Variants in MAGI1 observed in about 807,000 individuals in gnomAD.
The protein encoded by MAGI1 is membrane-associated guanylate kinase, WW and PDZ domain-containing protein 1.
A neutral mutation model predicts 139.9 loss-of-function variants in MAGI1; 58 were observed. That is an observed-to-expected ratio of 0.41 (90% confidence interval 0.34 to 0.52). The LOEUF (loss-of-function observed/expected upper bound fraction) is 0.52, where lower values mean the gene tolerates loss of function less well. Ranked by LOEUF, MAGI1 falls within the 20% of genes least tolerant of loss-of-function variation. MAGI1 has a pLI of 0.12. For synonymous variants in MAGI1, 812 were observed against 737.9 expected (o/e 1.10, Z -1.63); for missense variants, 1,874 against 1,901.6 (o/e 0.99, Z 0.27).
chr3:65,494,731 C>T (rs577793960), intron 2 of MAGI1, among the ~76,000 whole-genome samples: 18 of 152,190 alleles, frequency 1.2e-4, no homozygotes, highest in Non-Finnish European at 2.2e-4. Context: ...TGCCTAGTGG[C>T]GCTGAAGTTC....
chr3:65,856,021 T>C (rs2059367902), intron 1 of MAGI1, among the ~76,000 whole-genome samples: 1 of 152,116 alleles, frequency 6.6e-6, no homozygotes, highest in Non-Finnish European at 1.5e-5. Context: ...TGATGATGGA[T>C]GTATTTTAGA....
chr3:65,506,647 T>C (rs942731528), intron 2 of MAGI1, among the ~76,000 whole-genome samples: 9 of 152,180 alleles, frequency 5.9e-5, no homozygotes, highest in Non-Finnish European at 1.0e-4. Context: ...CATTAGCCAC[T>C]AGCACGGATC....
rs56669559 is a variant in MAGI1 at position 65,574,445 on chromosome 3, TA to T, written c.430+47526del. On this transcript the variant is annotated intron_variant, in intron 2 of 22. Coordinates refer to ENST00000402939, the MANE Select transcript of MAGI1 (RefSeq NM_001033057.2). ...AGATGTAAATGACCTGCATAGAAAC[TA>T]AAAAAAAAAAAAAAAAATGTACTGA... 9.3e-3 allele frequency among the ~76,000 whole-genome samples: 1,013 copies of T among 108,536 alleles called. 2 individuals are homozygous for T. Among genetic ancestry groups the T allele is most frequent in the Middle Eastern group, 0.019 (4 of 212 alleles). 71.2% of individuals were successfully genotyped at this position (108,536 alleles called of 152,430 possible). A position where few individuals can be genotyped will look rare whatever the true frequency, so the allele number is the denominator to read the frequency against.
Position 65,363,622 on chromosome 3 carries a change from T to C in MAGI1, c.3352-14A>G. 1 of 1,610,236 alleles carries C rather than the reference T, an allele frequency of 6.2e-7. No individual in the cohort carries two copies. Among genetic ancestry groups the C allele is most frequent in the Non-Finnish European group, 8.5e-7 (1 of 1,178,368 alleles). Reference sequence around the variant, plus strand: ...AAAATCTTGCTCCTATTTAAAGAAATTAAATGCAATCATTCTAGGAGAACT... The same window carrying C: ...AAAATCTTGCTCCTATTTAAAGAAACTAAATGCAATCATTCTAGGAGAACT... On this transcript the variant is annotated splice_polypyrimidine_tract_variant and intron_variant, in intron 20 of 22. Coordinates refer to ENST00000402939, the MANE Select transcript of MAGI1 (RefSeq NM_001033057.2).
intron 1 of MAGI1, among the ~76,000 whole-genome samples, chr3:65,897,628 T>G (rs548890107): frequency 1.3e-5 from 2 of 150,120 alleles, no homozygotes; most frequent in African/African-American, 2.4e-5. Flanking sequence ...GTTGTGCACA[T>G]GTACCCTAGG....
intron 22 of MAGI1, among the ~76,000 whole-genome samples, chr3:65,358,552 T>G (rs1027238136): frequency 6.6e-6 from 1 of 152,186 alleles, no homozygotes; most frequent in Non-Finnish European, 1.5e-5. Flanking sequence ...CCACACCATC[T>G]CTGTTACAGC....
At chr3:65,966,520 G>C (rs986595875) in intron 1 of MAGI1, among the ~76,000 whole-genome samples, 1 of 152,092 alleles carries the variant, frequency 6.6e-6, no homozygotes, top group South Asian at 2.1e-4. Context: ...TGGGAGGCCA[G>C]GGCAGGAGGA....
intron 2 of MAGI1, among the ~76,000 whole-genome samples, chr3:65,613,556 C>T (rs1199302996): frequency 2.0e-5 from 3 of 152,206 alleles, no homozygotes; most frequent in South Asian, 2.1e-4. Context: ...TGAGCTTTTA[C>T]GTTTGTAATT....
In MAGI1 at chr3:65,356,594, C is replaced by T; in HGVS notation, c.4173G>A (p.Ser1391=). 1 of 1,595,440 alleles carries T rather than the reference C, an allele frequency of 6.3e-7. No homozygotes were observed. Among genetic ancestry groups the T allele is most frequent in the Non-Finnish European group, 8.5e-7 (1 of 1,171,708 alleles). Residue 1391 remains serine, a synonymous_variant, in exon 23 of 23, where the codon TCG becomes TCA. Transcript: ENST00000402939. ...CGGTGGACTTGGCCCTGCGCTCGGG[C>T]GAGCCCCCTCTCCTGCGCTCGGGGG... ...RRSPERRRGG[S]PERRAKSTDR...
At chr3:65,416,683 G>C (rs1946242630) in intron 12 of MAGI1, among the ~76,000 whole-genome samples, 1 of 152,148 alleles carries the variant, frequency 6.6e-6, no homozygotes, top group African/African-American at 2.4e-5. Flanking sequence ...ATTAACAAGA[G>C]TCTGAAATAA....
At chr3:66,012,845 T>C (rs1424865792) in intron 1 of MAGI1, among the ~76,000 whole-genome samples, 2 of 151,956 alleles carry the variant, frequency 1.3e-5, no homozygotes, top group East Asian at 3.9e-4. Context: ...GAAGTGCCCC[T>C]GTAATGTCCG....
At position 65,398,416 on chromosome 3, in the gene MAGI1, C is replaced by T. The variant is rs575856971; in HGVS notation, c.2199+3023G>A. ...CTTGGAAGGCTAAGGCAAGAGATTG[C>T]TTGGGCCCAGAAGTTCGAGGCTGCA... On this transcript the variant is annotated intron_variant, in intron 13 of 22. Transcript: ENST00000402939. Among the ~76,000 whole-genome samples the T allele has an allele frequency of 8.5e-4, 130 of 152,176 alleles. 2 individuals carry two copies. The South Asian group carries it at 0.012, about 14-fold the overall frequency.
At chr3:65,425,135 A>AAAAAAAAAAAAAAAC (rs1559543283) in intron 12 of MAGI1, among the ~76,000 whole-genome samples, 4 of 87,788 alleles carry the variant, frequency 4.6e-5, no homozygotes, top group Non-Finnish European at 6.8e-5. Flanking sequence ...AAAAAAAACA[A>AAAAAAAAAAAAAAAC]AAAAAAACAC....
intron 17 of MAGI1, among the ~76,000 whole-genome samples, chr3:65,378,884 G>C (rs1575562722): frequency 6.6e-6 from 1 of 151,952 alleles, no homozygotes; most frequent in African/African-American, 2.4e-5. Context: ...GTTTCACCAC[G>C]TTGGCCAGGT....
chr3:65,726,728 A>G (rs1453826306), intron 1 of MAGI1, among the ~76,000 whole-genome samples: 2 of 152,052 alleles, frequency 1.3e-5, no homozygotes, highest in Non-Finnish European at 2.9e-5. Flanking sequence ...TGACGCCCTC[A>G]GCTCTTGGGG....
intron 2 of MAGI1, among the ~76,000 whole-genome samples, chr3:65,597,052 G>C (rs1045058122): frequency 6.6e-6 from 1 of 151,864 alleles, no homozygotes; most frequent in Admixed American, 6.6e-5. Context: ...CGCGCTGCCC[G>C]GGGAAGCAGC....
chr3:65,922,842 C>T (rs989680292), intron 1 of MAGI1, among the ~76,000 whole-genome samples: 3 of 152,216 alleles, frequency 2.0e-5, no homozygotes, highest in Non-Finnish European at 4.4e-5. Flanking sequence ...ATAATAACCA[C>T]TGGCGTATTT....
rs767095377 is a variant in MAGI1 at position 65,493,565 on chromosome 3, T to A, written c.497A>T (p.Glu166Val). 1.2e-6 allele frequency: 2 copies of A among 1,614,048 alleles called. No homozygotes were observed. Among genetic ancestry groups the A allele is most frequent in the East Asian group, 2.2e-5 (1 of 44,892 alleles). The change falls in exon 3 of 23, where the codon GAG (glutamate) becomes GTG (valine). Residue 166 changes from glutamate (E) to valine (V), a missense_variant. Physicochemically the swap from Glu to Val is moderately radical, Grantham distance 121 (BLOSUM62 -2). This residue lies in a region of MAGI1 where 648 missense variants were observed against 598.1 expected (regional missense o/e 1.08). Transcript: ENST00000402939. Reference protein sequence around the residue: ...GVDYNFLTVKEFLDLEQSGTL... With the variant: ...GVDYNFLTVKVFLDLEQSGTL... ...CCCACTCTGCTCGAGGTCCAAGAAC[T>A]CCTTCACAGTCAGAAAGTTATAGTC...
chr3:65,810,736 G>A (rs1043482187), intron 1 of MAGI1, among the ~76,000 whole-genome samples: 2 of 152,300 alleles, frequency 1.3e-5, no homozygotes, highest in South Asian at 2.1e-4. Context: ...CAAAATGCAA[G>A]GAGTAGAATC....
Sources: gnomAD v4.1 joint callset for allele counts (sites outside exome capture counted in the v4.1 genomes callset) on GRCh38, gnomAD v4.1.1 for gene constraint, gnomAD v4.1.1 regional missense constraint, MANE v1.5 for transcripts, NCBI Gene and HGNC (gene_info 2026-07-23, HGNC 2026-07-21) for gene names.